Variants in ARID1B observed in about 807,000 individuals in gnomAD.
ARID1B encodes the protein AT-rich interaction domain 1B, also known as AT-rich interactive domain-containing protein 1B.
In ARID1B, 30 loss-of-function variants were observed where a neutral mutation model predicts 212.3. The ratio of observed to expected loss-of-function variants is 0.14; its 90% CI spans 0.11 to 0.19. ARID1B has a LOEUF of 0.19. ARID1B is among the 10% of genes least tolerant of loss of function. ARID1B has a pLI of 1.00. For synonymous variants in ARID1B, 1,402 were observed against 1,301.7 expected (o/e 1.08, Z -1.66); for missense variants, 2,891 against 3,204.0 (o/e 0.90, Z 2.36).
At chr6:156,916,875 G>C (rs1790400079) in intron 3 of ARID1B, among the ~76,000 whole-genome samples, 2 of 152,160 alleles carry the variant, frequency 1.3e-5, no homozygotes, top group Non-Finnish European at 2.9e-5. Flanking sequence ...CCTGGCAGAT[G>C]TTGTGTGTTA....
At chr6:157,175,567 G>C (rs1304158852) in intron 11 of ARID1B, 3 of 152,156 alleles carry the variant, frequency 2.0e-5, no homozygotes, top group Non-Finnish European at 4.4e-5. Context: ...GTTAGTATGT[G>C]AATGAATTTT....
At chr6:156,999,199 A>G (rs1778775905) in intron 4 of ARID1B, among the ~76,000 whole-genome samples, 1 of 152,202 alleles carries the variant, frequency 6.6e-6, no homozygotes. Context: ...ATTTACTGTA[A>G]TGGTCAGTAC....
rs2114958229 is a variant in ARID1B at position 156,777,987 on chromosome 6, G to A, written c.307G>A (p.Gly103Ser). The A allele has an allele frequency of 6.5e-7, 1 of 1,530,816 alleles. No homozygotes were observed. The highest frequency in any genetic ancestry group is 8.7e-7 in the Non-Finnish European group (1 of 1,144,680). The allele number at this position is 1,530,816 out of a possible 1,614,324, so 94.8% of individuals were successfully genotyped here. A position where few individuals can be genotyped will look rare whatever the true frequency, so the allele number is the denominator to read the frequency against. ...AAGTHSAKSGGSEAALKEGGS... is the reference protein window; with the variant it reads ...AAGTHSAKSGSSEAALKEGGS... ...CGGCACCCACAGCGCCAAGAGCGGC[G>A]GCTCCGAGGCGGCTCTCAAGGAGGG... The change falls in exon 1 of 20, where the codon GGC becomes AGC. Residue 103 changes from glycine (G) to serine (S), a missense_variant. By Grantham distance (56) the Gly-to-Ser change is moderately conservative. Coordinates refer to ENST00000636930, the MANE Select transcript of ARID1B (RefSeq NM_001374828.1).
chr6:157,146,483 C>G lies in ARID1B; in HGVS notation c.2762-2141C>G, dbSNP rs542658851. Among the ~76,000 whole-genome samples the G allele has an allele frequency of 2.6e-5, 4 of 152,314 alleles. No homozygotes were observed. In the South Asian group the frequency reaches 8.3e-4, roughly 32 times the overall value. ...CATTCAGAGGACTCTCCACCAACCC[C>G]CACCAAGGGGACCCTCAAGCCCTCA... On this transcript the variant is annotated intron_variant, in intron 7 of 19. Coordinates refer to ENST00000636930, the MANE Select transcript of ARID1B (RefSeq NM_001374828.1).
intron 4 of ARID1B, among the ~76,000 whole-genome samples, chr6:157,006,952 T>TCC (rs1554281945): frequency 2.0e-5 from 3 of 151,630 alleles, no homozygotes; most frequent in Non-Finnish European, 2.9e-5. Context: ...CACATGTGTG[T>TCC]ACACACACAC....
At chr6:156,776,405 TATA>T (rs564244810), upstream of ARID1B, 114 of 152,324 alleles carry the variant, frequency 7.5e-4, no homozygotes, top group African/African-American at 2.5e-3. Flanking sequence ...ATTTATTAAA[TATA>T]ATGTCTATAA....
intron 4 of ARID1B, among the ~76,000 whole-genome samples, chr6:156,957,369 CACCAGT>C (rs1344434881): frequency 6.6e-6 from 1 of 152,170 alleles, no homozygotes; most frequent in Non-Finnish European, 1.5e-5. Context: ...CCCACATACT[CACCAGT>C]ACCAGGGTCA....
At position 156,998,895 on chromosome 6, in the gene ARID1B, G is replaced by A. The variant is rs73578068; in HGVS notation, c.2247+63319G>A. ...TTTTCCTCCAATTATGGTGGAACGCGGCCCTTGAGAAAATACCGTGGAGCC... is the reference window on the plus strand; with the variant it reads ...TTTTCCTCCAATTATGGTGGAACGCAGCCCTTGAGAAAATACCGTGGAGCC... On this transcript the variant is annotated intron_variant, in intron 4 of 19. Coordinates refer to ENST00000636930, the MANE Select transcript of ARID1B (RefSeq NM_001374828.1). Among the ~76,000 whole-genome samples the A allele has an allele frequency of 9.8e-3, 1,497 of 152,290 alleles. 34 individuals are homozygous for A. The highest frequency in any genetic ancestry group is 0.033 in the African/African-American group (1,369 of 41,548).
chr6:157,003,394 T>C (rs761088458), intron 4 of ARID1B, among the ~76,000 whole-genome samples: 8 of 152,150 alleles, frequency 5.3e-5, no homozygotes, highest in Non-Finnish European at 1.0e-4. Context: ...CAGCCTTACA[T>C]GGGGGCTCTG....
At chr6:156,905,387 A>G (rs1384652008) in intron 3 of ARID1B, among the ~76,000 whole-genome samples, 1 of 152,200 alleles carries the variant, frequency 6.6e-6, no homozygotes, top group African/African-American at 2.4e-5. Context: ...GAAGTCAAAG[A>G]CAGCTTGCTG....
chr6:156,983,912 C>G (rs1237525943), intron 4 of ARID1B, among the ~76,000 whole-genome samples: 1 of 152,130 alleles, frequency 6.6e-6, no homozygotes, highest in African/African-American at 2.4e-5. Context: ...CACCCCTCAG[C>G]CAGTTAGGAT....
intron 4 of ARID1B, among the ~76,000 whole-genome samples, chr6:156,997,882 G>A (rs1004089630): frequency 2.0e-5 from 3 of 152,094 alleles, no homozygotes; most frequent in African/African-American, 7.2e-5. Flanking sequence ...TAAGCATAAA[G>A]ACATCATTAT....
intron 2 of ARID1B, among the ~76,000 whole-genome samples, chr6:156,869,852 A>G (rs1785983827): frequency 6.6e-6 from 1 of 152,196 alleles, no homozygotes; most frequent in African/African-American, 2.4e-5. Context: ...ACACTTAACA[A>G]CTTCAGACAT....
chr6:157,181,819 T>C (rs1792561835), intron 12 of ARID1B, among the ~76,000 whole-genome samples: 1 of 152,188 alleles, frequency 6.6e-6, no homozygotes, highest in Non-Finnish European at 1.5e-5. Context: ...CCCTCGCTCC[T>C]TAATCAGGAG....
chr6:156,987,928 C>A (rs934361608), intron 4 of ARID1B, among the ~76,000 whole-genome samples: 2 of 152,090 alleles, frequency 1.3e-5, no homozygotes, highest in Non-Finnish European at 2.9e-5. Context: ...ATATGAAATA[C>A]AATGCAAGTA....
rs758641112 is a variant in ARID1B, at chr6:156,840,046, TC to T, written c.1986+10627del. Among the ~76,000 whole-genome samples, 7 of 152,340 alleles carry T rather than the reference TC, an allele frequency of 4.6e-5. No homozygotes were observed. The East Asian group carries it at 1.3e-3, about 29-fold the overall frequency. ...GGAACACAGAATTGTTCTCGACAGT[TC>T]CAAAGTTTTTCTTGTGTAGAAATTT... On this transcript the variant is annotated intron_variant, in intron 2 of 19. Transcript: ENST00000636930.
At chr6:157,184,204 C>G (rs774783802) in intron 12 of ARID1B, 27 bp from the exon 13 acceptor site, 3 of 1,577,706 alleles carry the variant, frequency 1.9e-6, no homozygotes, top group Admixed American at 3.6e-5. Context: ...TGTTGCAAAC[C>G]AATGATCCTG....
intron 6 of ARID1B, among the ~76,000 whole-genome samples, chr6:157,124,403 G>T (rs183995684): frequency 1.3e-5 from 2 of 152,176 alleles, no homozygotes; most frequent in Non-Finnish European, 2.9e-5. Flanking sequence ...CTAACTGCAC[G>T]GCCACAGCTA....
chr6:156,870,864 C>T (rs1017148654), intron 2 of ARID1B, among the ~76,000 whole-genome samples: 3 of 152,158 alleles, frequency 2.0e-5, no homozygotes, highest in Admixed American at 1.3e-4. Flanking sequence ...TTTACCAAAC[C>T]TCTTTGTTAT....
Sources: gnomAD v4.1 joint callset for allele counts (sites outside exome capture counted in the v4.1 genomes callset) on GRCh38, gnomAD v4.1.1 for gene constraint, MANE v1.5 for transcripts, NCBI Gene and HGNC (gene_info 2026-07-23, HGNC 2026-07-21) for gene names.